POU6F2: variants seen among roughly 807,000 people sequenced by gnomAD.
The protein encoded by POU6F2 is POU class 6 homeobox 2, also known as POU domain, class 6, transcription factor 2.
Under a neutral mutation model 71.3 loss-of-function variants are expected in POU6F2, and 31 were observed. That is an observed-to-expected ratio of 0.43 (90% CI 0.33 to 0.59). POU6F2 has a LOEUF of 0.59. Ranked by LOEUF, POU6F2 falls within the 20% of genes least tolerant of loss-of-function variation. The probability of loss-of-function intolerance (pLI) is 0.04; values close to 1 mark genes in which losing one functional copy is unlikely to be tolerated. For missense variants in POU6F2, 783 were observed against 856.8 expected (o/e 0.91, Z 1.07); for synonymous variants, 347 against 355.7 (o/e 0.98, Z 0.27).
intron 1 of POU6F2, among the ~76,000 whole-genome samples, chr7:38,982,010 T>A (rs1299807066): frequency 6.6e-6 from 1 of 152,208 alleles, no homozygotes; most frequent in Non-Finnish European, 1.5e-5. Flanking sequence ...TTAATAATAA[T>A]TTGCTTACCT....
chr7:39,329,747 C>G (rs916381519), intron 4 of POU6F2, among the ~76,000 whole-genome samples: 1 of 152,156 alleles, frequency 6.6e-6, no homozygotes, highest in Non-Finnish European at 1.5e-5. Context: ...TCCTGCTGTC[C>G]TCACTCCCCT....
At chr7:39,147,117 G>A (rs977271976) in intron 2 of POU6F2, among the ~76,000 whole-genome samples, 2 of 152,024 alleles carry the variant, frequency 1.3e-5, no homozygotes, top group Non-Finnish European at 2.9e-5. Context: ...TACAGACAGG[G>A]TTTATCAAAT....
At chr7:39,188,378 T>A (rs1412384969) in intron 2 of POU6F2, among the ~76,000 whole-genome samples, 2 of 152,174 alleles carry the variant, frequency 1.3e-5, no homozygotes, top group Non-Finnish European at 2.9e-5. Flanking sequence ...AGTGGCATAA[T>A]CTTGGCTCAC....
chr7:39,093,654 A>G (rs1251970333), intron 2 of POU6F2, among the ~76,000 whole-genome samples: 1 of 152,112 alleles, frequency 6.6e-6, no homozygotes, highest in Non-Finnish European at 1.5e-5. Context: ...TCATCCTATT[A>G]ATGAGAAAAA....
chr7:39,433,524 G>A (rs1280859628), intron 7 of POU6F2, among the ~76,000 whole-genome samples: 1 of 152,100 alleles, frequency 6.6e-6, no homozygotes. Context: ...AACAGAGAGA[G>A]TGCCCTAAAA....
chr7:39,023,938 G>A (rs1312735461), intron 1 of POU6F2, among the ~76,000 whole-genome samples: 1 of 152,058 alleles, frequency 6.6e-6, no homozygotes, highest in Non-Finnish European at 1.5e-5. Flanking sequence ...AACTTCTTTT[G>A]AGTTTATTTT....
rs146971470 is a variant in POU6F2 at position 39,239,383 on chromosome 7, G to A, written c.598+31763G>A. On this transcript the variant is annotated intron_variant, in intron 4 of 9. Transcript: ENST00000518318. ...GTTTTCATAACTGATTTAGCAGCAC[G>A]ACTGACCTTAACTTGTATCAGAATA... Among the ~76,000 whole-genome samples the A allele has an allele frequency of 2.3e-4, 35 of 152,158 alleles. No homozygotes were observed. In the East Asian group the frequency reaches 4.8e-3, roughly 21 times the overall value.
At chr7:39,187,661 A>G (rs545997752) in intron 2 of POU6F2, among the ~76,000 whole-genome samples, 2 of 152,344 alleles carry the variant, frequency 1.3e-5, no homozygotes, top group African/African-American at 4.8e-5. Context: ...TAACTGACAG[A>G]TGGGCTTTTT....
intron 6 of POU6F2, among the ~76,000 whole-genome samples, chr7:39,415,387 G>C (rs1039501298): frequency 6.6e-6 from 1 of 152,186 alleles, no homozygotes; most frequent in African/African-American, 2.4e-5. Context: ...TTTTCTTGTG[G>C]AGGCTCCTAA....
intron 2 of POU6F2, among the ~76,000 whole-genome samples, chr7:39,127,465 C>T (rs574451972): frequency 1.3e-5 from 2 of 152,122 alleles, no homozygotes; most frequent in South Asian, 2.1e-4. Context: ...TGTATAGAAA[C>T]GAAAAAGACA....
At chr7:39,189,897 C>A (rs1793625006) in intron 2 of POU6F2, among the ~76,000 whole-genome samples, 1 of 151,946 alleles carries the variant, frequency 6.6e-6, no homozygotes, top group Non-Finnish European at 1.5e-5. Flanking sequence ...GAGATGCCCC[C>A]ATGGTGTATG....
intron 2 of POU6F2, among the ~76,000 whole-genome samples, chr7:39,108,954 A>G (rs1791748784): frequency 6.6e-6 from 1 of 152,234 alleles, no homozygotes; most frequent in Non-Finnish European, 1.5e-5. Flanking sequence ...TAAGCAAACA[A>G]CAATAACAAC....
chr7:39,017,049 G>A (rs62443626), intron 1 of POU6F2, among the ~76,000 whole-genome samples: 61,932 of 151,868 alleles, frequency 0.41, 12,977 homozygotes, highest in South Asian at 0.49. Flanking sequence ...GTATGTATAA[G>A]GTTTTACAAC....
intron 1 of POU6F2, among the ~76,000 whole-genome samples, chr7:38,982,125 C>T (rs1038419303): frequency 3.9e-5 from 6 of 152,076 alleles, no homozygotes; most frequent in African/African-American, 9.7e-5. Context: ...GACTGATATT[C>T]GTGCCTTACA....
At chr7:39,310,430 C>T (rs1785140754) in intron 4 of POU6F2, among the ~76,000 whole-genome samples, 1 of 152,142 alleles carries the variant, frequency 6.6e-6, no homozygotes, top group African/African-American at 2.4e-5. Flanking sequence ...AGGAGATTGT[C>T]CCCTAGAAGC....
rs375214552 is a variant in POU6F2 at position 39,280,170 on chromosome 7, G to A, written c.599-59472G>A. On this transcript the variant is annotated intron_variant, in intron 4 of 9. Transcript: ENST00000518318. ...TAAGGTCACACTCTGAGGTACTGAC[G>A]TCAAGACTTCGACATATCTTTTTGG... 3.9e-5 allele frequency among the ~76,000 whole-genome samples: 6 copies of A among 152,290 alleles called. No individual in the cohort carries two copies. The East Asian group carries it at 5.8e-4, about 15-fold the overall frequency.
intron 1 of POU6F2, among the ~76,000 whole-genome samples, chr7:39,050,867 T>G (rs1790388018): frequency 6.6e-6 from 1 of 152,162 alleles, no homozygotes; most frequent in Non-Finnish European, 1.5e-5. Flanking sequence ...CTTTAATAAG[T>G]GCTTATCAGT....
chr7:39,056,293 C>T (rs1198705042), intron 1 of POU6F2, among the ~76,000 whole-genome samples: 1 of 151,766 alleles, frequency 6.6e-6, no homozygotes, highest in Non-Finnish European at 1.5e-5. Context: ...AAATTTTTCC[C>T]TCTGTCAACT....
intron 2 of POU6F2, among the ~76,000 whole-genome samples, chr7:39,122,502 A>G (rs1161818196): frequency 6.6e-6 from 1 of 152,210 alleles, no homozygotes; most frequent in Non-Finnish European, 1.5e-5. Flanking sequence ...AGCAAACACA[A>G]GTATTTTAAA....
Sources: gnomAD v4.1 joint callset for allele counts (sites outside exome capture counted in the v4.1 genomes callset) on GRCh38, gnomAD v4.1.1 for gene constraint, MANE v1.5 for transcripts, NCBI Gene and HGNC (gene_info 2026-07-23, HGNC 2026-07-21) for gene names.